Variants in NSD1 observed in about 807,000 individuals in gnomAD.
The protein encoded by NSD1 is histone-lysine N-methyltransferase, H3 lysine-36 specific.
In NSD1, 26 loss-of-function variants were observed where a neutral mutation model predicts 242.7. That is an observed-to-expected ratio of 0.11 (90% CI 0.08 to 0.15). NSD1 has a LOEUF of 0.15. Ranked by LOEUF, NSD1 falls within the 10% of genes least tolerant of loss-of-function variation. NSD1 has a pLI of 1.00. For synonymous variants in NSD1, 1,106 were observed against 1,178.1 expected, an observed-to-expected ratio of 0.94 and a Z score of 1.25; for missense variants, 2,495 against 3,272.8, an observed-to-expected ratio of 0.76 and a Z score of 5.80.
chr5:177,234,988 T>C (rs1765332562), intron 5 of NSD1, among the ~76,000 whole-genome samples: 1 of 152,224 alleles, frequency 6.6e-6, no homozygotes, highest in South Asian at 2.1e-4. Context: ...AGCTGATACA[T>C]GTATTCTCGT....
chr5:177,167,535 C>CAA (rs563697762), intron 2 of NSD1, among the ~76,000 whole-genome samples: 44 of 143,202 alleles, frequency 3.1e-4, no homozygotes, highest in African/African-American at 1.1e-3. Flanking sequence ...AACTCTATCT[C>CAA]AAAAAAAAAA....
chr5:177,263,269 A>G (rs1463075018), intron 14 of NSD1, among the ~76,000 whole-genome samples: 1 of 152,262 alleles, frequency 6.6e-6, no homozygotes, highest in Non-Finnish European at 1.5e-5. Context: ...TATCAGGTGT[A>G]TGTATATGCC....
At position 177,135,661 on chromosome 5, in the gene NSD1, A is replaced by C; in HGVS notation, c.558A>C (p.Glu186Asp). 6.2e-7 allele frequency: 1 copy of C among 1,614,220 alleles called. No homozygotes were observed. Among genetic ancestry groups the C allele is most frequent in the Non-Finnish European group, 8.5e-7 (1 of 1,180,036 alleles). ...EDESIEEIFE[E>D]TQTNATCNYE... Reference sequence around the variant, plus strand: ...AGAGTATAGAGGAGATCTTTGAGGAAACTCAGACCAATGCCACCTGCAATT... The same window carrying C: ...AGAGTATAGAGGAGATCTTTGAGGACACTCAGACCAATGCCACCTGCAATT... Residue 186 changes from glutamate to aspartate, a missense_variant, in exon 2 of 23, where the codon GAA becomes GAC. Around this residue, in one of 19 missense-constraint regions of NSD1, gnomAD observed 376 missense variants for 367.4 expected, o/e 1.02. Coordinates refer to ENST00000439151, the MANE Select transcript of NSD1 (RefSeq NM_022455.5).
At chr5:177,183,848 T>C (rs934012931) in intron 2 of NSD1, among the ~76,000 whole-genome samples, 2 of 152,198 alleles carry the variant, frequency 1.3e-5, no homozygotes, top group African/African-American at 4.8e-5. Context: ...AGTTCTATTG[T>C]TTTAATTTTT....
chr5:177,146,496 G>C (rs1023941314), intron 2 of NSD1, among the ~76,000 whole-genome samples: 1 of 151,780 alleles, frequency 6.6e-6, no homozygotes, highest in East Asian at 1.9e-4. Flanking sequence ...GAGCCACCGC[G>C]TCCAGCCAGT....
chr5:177,232,824 G>A (rs1391921558), intron 5 of NSD1, among the ~76,000 whole-genome samples: 1 of 152,182 alleles, frequency 6.6e-6, no homozygotes, highest in African/African-American at 2.4e-5. Flanking sequence ...GAAGAATTTA[G>A]GTATAGTGCA....
intron 2 of NSD1, among the ~76,000 whole-genome samples, chr5:177,158,951 CAT>C (rs1378055551): frequency 1.5e-4 from 20 of 135,692 alleles, no homozygotes; most frequent in African/African-American, 2.8e-4. Flanking sequence ...TATATACACA[CAT>C]ATATATATAC....
chr5:177,263,819 A>G (rs531125463), intron 14 of NSD1, among the ~76,000 whole-genome samples: 1 of 152,276 alleles, frequency 6.6e-6, no homozygotes, highest in East Asian at 1.9e-4. Context: ...TGAGCCTATC[A>G]ATTCAAGAAA....
intron 12 of NSD1, among the ~76,000 whole-genome samples, chr5:177,256,287 T>C (rs1756453710): frequency 1.4e-5 from 2 of 145,588 alleles, no homozygotes; most frequent in Admixed American, 6.9e-5. Context: ...TTTTTTTTTT[T>C]TTTTTTTTTT....
chr5:177,266,586 C>T, intron 14 of NSD1: 1 of 678,158 alleles, frequency 1.5e-6, no homozygotes, highest in Non-Finnish European at 2.2e-6. Context: ...CGGCGGCCGC[C>T]ATCTTCACCC....
intron 15 of NSD1, among the ~76,000 whole-genome samples, chr5:177,268,965 C>T (rs1757737204): frequency 6.6e-6 from 1 of 152,014 alleles, no homozygotes; most frequent in African/African-American, 2.4e-5. Flanking sequence ...TAAGTATATA[C>T]TTATATACAA....
chr5:177,199,916 A>G (rs562490252), intron 3 of NSD1, among the ~76,000 whole-genome samples: 172 of 152,154 alleles, frequency 1.1e-3, no homozygotes, highest in Non-Finnish European at 1.6e-3. Flanking sequence ...TTTTCAGCTT[A>G]TAATGGGTAT....
chr5:177,191,745 T>C lies in NSD1; in HGVS notation c.928-139T>C, dbSNP rs540393160. On this transcript the variant is annotated intron_variant, in intron 2 of 22. Coordinates refer to ENST00000439151, the MANE Select transcript of NSD1 (RefSeq NM_022455.5). Reference sequence around the variant, plus strand: ...AGATGGAATAATTTAGTTGTACTTATTTTGTAATTCTTTTTAGGCTAGAGT... The same window carrying C: ...AGATGGAATAATTTAGTTGTACTTACTTTGTAATTCTTTTTAGGCTAGAGT... 5.0e-4 allele frequency: 413 copies of C among 828,914 alleles called. 1 individual carries two copies. Among genetic ancestry groups the C allele is most frequent in the Non-Finnish European group, 2.7e-4 (138 of 510,298 alleles). 51.3% of individuals were successfully genotyped at this position (828,914 alleles called of 1,614,324 possible).
At chr5:177,141,703 T>G (rs1756841265) in intron 2 of NSD1, among the ~76,000 whole-genome samples, 1 of 152,180 alleles carries the variant, frequency 6.6e-6, no homozygotes, top group Non-Finnish European at 1.5e-5. Flanking sequence ...TCTCATTCAC[T>G]TTCATTGATT....
chr5:177,281,210 C>T (rs1460634391), intron 18 of NSD1, among the ~76,000 whole-genome samples: 1 of 152,080 alleles, frequency 6.6e-6, no homozygotes, highest in African/African-American at 2.4e-5. Flanking sequence ...AAAAACAGGT[C>T]TGGCTTCATG....
intron 6 of NSD1, among the ~76,000 whole-genome samples, chr5:177,237,045 G>A (rs2149885447): frequency 6.6e-6 from 1 of 152,178 alleles, no homozygotes; most frequent in African/African-American, 2.4e-5. Context: ...GTCCCACTAT[G>A]TTGCCCTGGC....
chr5:177,246,130 C>T (rs1009628846), intron 9 of NSD1, among the ~76,000 whole-genome samples: 3 of 151,922 alleles, frequency 2.0e-5, no homozygotes, highest in African/African-American at 7.3e-5. Context: ...ACCACCATGC[C>T]TGGCTAATTT....
intron 2 of NSD1, among the ~76,000 whole-genome samples, chr5:177,174,673 C>T (rs1037206266): frequency 6.6e-6 from 1 of 150,998 alleles, no homozygotes; most frequent in Non-Finnish European, 1.5e-5. Flanking sequence ...ATTCTTCTGC[C>T]TCAGCCTCCT....
chr5:177,185,918 A>T (rs1581238136), intron 2 of NSD1, among the ~76,000 whole-genome samples: 1 of 76,866 alleles, frequency 1.3e-5, no homozygotes, highest in Admixed American at 2.1e-4. Context: ...AATTATATAT[A>T]TTTATATATA....
Sources: allele counts gnomAD v4.1 joint callset (sites outside exome capture counted in the v4.1 genomes callset), GRCh38; gene constraint gnomAD v4.1.1; regional missense constraint gnomAD v4.1.1; transcripts MANE v1.5; gene names NCBI Gene and HGNC (gene_info 2026-07-23, HGNC 2026-07-21).